The following RTP5 variants were observed in gnomAD, a reference collection of about 807,000 sequenced individuals.
The protein encoded by RTP5 is receptor-transporting protein 5.
Under a neutral mutation model 23.5 loss-of-function variants are expected in RTP5, and 30 were observed. The observed-to-expected ratio is 1.27, with a 90% CI of 0.95 to 1.73. The LOEUF is 1.73. RTP5 is among the 40% of genes most tolerant of loss of function. RTP5 has a pLI of 0.00. For synonymous variants in RTP5, 354 were observed against 342.1 expected (o/e 1.03, Z -0.38); for missense variants, 807 against 784.2 (o/e 1.03, Z -0.35).
In RTP5 at chr2:241,873,765, T is replaced by C. The variant is rs960419143; in HGVS notation, c.*491T>C. ...GGTTTTGTGGGTCTGCCCTGAGCTGTGCCTGTGTGCTCCAGCCTCTTCCTA... is the reference window on the plus strand; with the variant it reads ...GGTTTTGTGGGTCTGCCCTGAGCTGCGCCTGTGTGCTCCAGCCTCTTCCTA... On this transcript the variant is annotated 3_prime_UTR_variant, in exon 2 of 2. Coordinates refer to ENST00000343216, the MANE Select transcript of RTP5 (RefSeq NM_173821.3). 1.2e-5 allele frequency: 2 copies of C among 163,324 alleles called. No homozygotes were observed. The highest frequency in any genetic ancestry group is 2.6e-5 in the Non-Finnish European group (2 of 76,918). 10.1% of individuals were successfully genotyped at this position (163,324 alleles called of 1,614,324 possible). A position where few individuals can be genotyped will look rare whatever the true frequency, so the allele number is the denominator to read the frequency against.
At chr2:241,871,462 T>G (rs543351768) in intron 1 of RTP5, among the ~76,000 whole-genome samples, 11 of 152,212 alleles carry the variant, frequency 7.2e-5, no homozygotes, top group African/African-American at 2.4e-4. Context: ...CGCATGGGCC[T>G]GCTTTTGCCT....
chr2:241,869,873 G>C lies in RTP5; in HGVS notation c.117G>C (p.Leu39=), dbSNP rs771055073. 6.3e-7 allele frequency: 1 copy of C among 1,584,772 alleles called. No individual in the cohort carries two copies. Among genetic ancestry groups the C allele is most frequent in the Non-Finnish European group, 8.6e-7 (1 of 1,167,650 alleles). The change falls in exon 1 of 2, where the codon CTG becomes CTC. Residue 39 remains leucine, a synonymous_variant. Coordinates refer to ENST00000343216, the MANE Select transcript of RTP5 (RefSeq NM_173821.3). ...LPEHSLVPGC[L]DGGGVQYLLV... ...AGCACAGCCTGGTCCCGGGATGCCT[G>C]GACGGCGGTGGTGTCCAGTACCTGC...
In RTP5 at chr2:241,869,906, G is replaced by A; in HGVS notation, c.150G>A (p.Gly50=). The change falls in exon 1 of 2, where the codon GGG becomes GGA. Residue 50 remains glycine (G), a synonymous_variant. Coordinates refer to ENST00000343216, the MANE Select transcript of RTP5 (RefSeq NM_173821.3). ...DGGGVQYLLV[G]LSRLQCGHCP... ...GTGGTGTCCAGTACCTGCTGGTGGG[G>A]CTCTCGAGGTGCGGCCAGAGGTTGG... The A allele has an allele frequency of 2.0e-6, 3 of 1,536,928 alleles. No individual in the cohort carries two copies. Among genetic ancestry groups the A allele is most frequent in the Middle Eastern group, 1.7e-4 (1 of 5,808 alleles).
chr2:241,870,027 C>G, intron 1 of RTP5, 113 bp downstream of exon 1: 15 of 944,332 alleles, frequency 1.6e-5, no homozygotes, highest in East Asian at 3.4e-5. Flanking sequence ...GTCTTGTCCC[C>G]GAGACGGGAG....
chr2:241,873,401 C>G lies in RTP5; in HGVS notation c.*127C>G. The G allele has an allele frequency of 1.2e-6, 1 of 837,060 alleles. No individual in the cohort carries two copies. Among genetic ancestry groups the G allele is most frequent in the Non-Finnish European group, 1.5e-6 (1 of 654,242 alleles). 51.9% of individuals were successfully genotyped at this position (837,060 alleles called of 1,614,324 possible). ...GCCTCCACCTCCGAGACCCCTTTCT[C>G]TGAGACCCCCGCCTCTGAGGCCCCG... On this transcript the variant is annotated 3_prime_UTR_variant, in exon 2 of 2. Transcript: ENST00000343216.
chr2:241,871,623 G>A (rs1474684026), intron 1 of RTP5, 91 bp from the exon 2 acceptor site: 26 of 1,429,226 alleles, frequency 1.8e-5, no homozygotes, highest in South Asian at 2.9e-5. Flanking sequence ...CGCTGGGGTC[G>A]GATGGGCAAG....
In RTP5 at chr2:241,873,178, C is replaced by G. The variant is rs1230079559; in HGVS notation, c.1623C>G (p.Tyr541Ter). The G allele has an allele frequency of 6.2e-7, 1 of 1,611,308 alleles. No individual in the cohort carries two copies. The highest frequency in any genetic ancestry group is 8.5e-7 in the Non-Finnish European group (1 of 1,179,894). ...GCCGTAGGCCGCACGCCGAGCCCTA[C>G]GAGGACTTCTGGATCTGGGTGTCCA... ...RACRRPHAEPYEDFWIWVSMT... is the reference protein window; with the variant it reads ...RACRRPHAEP The change falls in exon 2 of 2, where the codon TAC (tyrosine) becomes TAG (stop). Residue 541 changes from tyrosine (Y) to a stop codon, truncating the protein, a stop_gained. Transcript: ENST00000343216. LOFTEE classifies it high-confidence loss of function.
At position 241,873,705 on chromosome 2, in the gene RTP5, C is replaced by T. The variant is rs1701381818; in HGVS notation, c.*431C>T. The T allele has an allele frequency of 1.0e-5, 2 of 195,084 alleles. No individual in the cohort carries two copies. The highest frequency in any genetic ancestry group is 2.5e-5 in the African/African-American group (1 of 39,346). The allele number at this position is 195,084 out of a possible 1,614,324, so 12.1% of individuals were successfully genotyped here. A position where few individuals can be genotyped will look rare whatever the true frequency, so the allele number is the denominator to read the frequency against. Reference sequence around the variant, plus strand: ...CGCCTCACCTCTGAGACCCCGCCCCCGCCAGCAGCTCAGCCCCTCCTGTCT... The same window carrying T: ...CGCCTCACCTCTGAGACCCCGCCCCTGCCAGCAGCTCAGCCCCTCCTGTCT... On this transcript the variant is annotated 3_prime_UTR_variant, in exon 2 of 2. Coordinates refer to ENST00000343216, the MANE Select transcript of RTP5 (RefSeq NM_173821.3).
chr2:241,871,583 G>A (rs1286505894), intron 1 of RTP5, 131 bp from the exon 2 acceptor site: 6 of 1,254,842 alleles, frequency 4.8e-6, no homozygotes, highest in South Asian at 4.7e-5. Context: ...TGAGGTTTGA[G>A]TGTGGGATGT....
Position 241,872,051 on chromosome 2 carries a change from G to A in RTP5, c.496G>A (p.Ala166Thr), listed in dbSNP as rs370247629. Residue 166 changes from alanine to threonine, a missense_variant, in exon 2 of 2, where the codon GCC becomes ACC. Transcript: ENST00000343216. Reference sequence around the variant, plus strand: ...CCCAGACCCCGCCTGGAGCGCCAACGCCACAAAAGGCAACTTCCCCGCCAC... The same window carrying A: ...CCCAGACCCCGCCTGGAGCGCCAACACCACAAAAGGCAACTTCCCCGCCAC... Reference protein sequence around the residue: ...KAPDPAWSANATKGNFPATAW... With the variant: ...KAPDPAWSANTTKGNFPATAW... 20 of 1,563,962 alleles carry A rather than the reference G, an allele frequency of 1.3e-5. No homozygotes were observed. In the African/African-American group the frequency reaches 1.4e-4, roughly 11 times the overall value.
At position 241,872,740 on chromosome 2, in the gene RTP5, G is replaced by A. The variant is rs868497394; in HGVS notation, c.1185G>A (p.Gln395=). 1.3e-6 allele frequency: 2 copies of A among 1,596,116 alleles called. No homozygotes were observed. Among genetic ancestry groups the A allele is most frequent in the Non-Finnish European group, 1.7e-6 (2 of 1,170,304 alleles). Residue 395 remains glutamine (Q), a synonymous_variant, in exon 2 of 2, where the codon CAG becomes CAA. Transcript: ENST00000343216. The part of the protein sequence containing the change: ...AEGNGKEGGG[Q]GLVPVGHDAL... ...GCAACGGGAAGGAAGGAGGCGGCCA[G>A]GGCCTCGTCCCAGTGGGTCACGACG...
In RTP5 at chr2:241,869,862, C is replaced by T. The variant is rs1559456483; in HGVS notation, c.106C>T (p.Pro36Ser). 2.5e-6 allele frequency: 4 copies of T among 1,588,390 alleles called. No individual in the cohort carries two copies. The highest frequency in any genetic ancestry group is 1.4e-5 in the African/African-American group (1 of 74,002). The change falls in exon 1 of 2, where the codon CCG (proline) becomes TCG (serine). Residue 36 changes from proline (P) to serine (S), a missense_variant. Physicochemically the swap from Pro to Ser is moderately conservative, Grantham distance 74. Coordinates refer to ENST00000343216, the MANE Select transcript of RTP5 (RefSeq NM_173821.3). ...TCTGCTACCTGAGCACAGCCTGGTC[C>T]CGGGATGCCTGGACGGCGGTGGTGT... ...WVLLPEHSLV[P>S]GCLDGGGVQY...
Position 241,872,788 on chromosome 2 carries a change from T to C in RTP5, c.1233T>C (p.Gly411=), listed in dbSNP as rs1701351806. ...ACGCCCTGCCAGAGACCAATGCTGG[T>C]GGCCTCCCCTCCCAGGTCAAGGGCT... ...GHDALPETNA[G]GLPSQVKGSL... is the part of the protein sequence containing the mutation. The change falls in exon 2 of 2, where the codon GGT becomes GGC. Residue 411 remains glycine (G), a synonymous_variant. Transcript: ENST00000343216. The C allele has an allele frequency of 6.2e-7, 1 of 1,606,202 alleles. No homozygotes were observed.
chr2:241,872,515 A>T lies in RTP5; in HGVS notation c.960A>T (p.Lys320Asn). The T allele has an allele frequency of 1.9e-6, 3 of 1,585,532 alleles. No individual in the cohort carries two copies. Among genetic ancestry groups the T allele is most frequent in the Middle Eastern group, 1.7e-4 (1 of 5,956 alleles). Residue 320 changes from lysine (K) to asparagine (N), a missense_variant, in exon 2 of 2, where the codon AAA becomes AAT. Lys to Asn is a moderately conservative substitution (Grantham distance 94, BLOSUM62 0). Coordinates refer to ENST00000343216, the MANE Select transcript of RTP5 (RefSeq NM_173821.3). ...ACAATGGCCTCGTCCCTGTGGGGAA[A>T]CACACGCCAACCGTGTTCTACTGTG... ...SLNNGLVPVG[K>N]HTPTVFYCVG...
rs762665754 is a variant in RTP5 at position 241,872,238 on chromosome 2, C to A, written c.683C>A (p.Ala228Asp). 4 of 1,606,732 alleles carry A rather than the reference C, an allele frequency of 2.5e-6. No individual in the cohort carries two copies. The South Asian group carries it at 4.4e-5, about 18-fold the overall frequency. Residue 228 changes from alanine to aspartate, a missense_variant, in exon 2 of 2, where the codon GCC (alanine) becomes GAC (aspartate). Ala to Asp is a moderately radical substitution (Grantham distance 126). Transcript: ENST00000343216. Reference protein sequence around the residue: ...IAEGPAPPAGASLPVTGSCEA... With the variant: ...IAEGPAPPAGDSLPVTGSCEA... ...GAGGGCCCTGCCCCCCCTGCGGGGG[C>A]CTCTCTCCCTGTGACTGGCAGCTGT...
intron 1 of RTP5, 68 bp downstream of exon 1, chr2:241,869,982 G>A: frequency 8.1e-6 from 11 of 1,365,970 alleles, no homozygotes; most frequent in Non-Finnish European, 1.0e-5. Context: ...GGGACCTTGG[G>A]TGGTCCCAGA....
chr2:241,872,208 T>G lies in RTP5; in HGVS notation c.653T>G (p.Ile218Ser). The G allele has an allele frequency of 1.2e-6, 2 of 1,611,134 alleles. No individual in the cohort carries two copies. The highest frequency in any genetic ancestry group is 8.5e-7 in the Non-Finnish European group (1 of 1,178,714). Residue 218 changes from isoleucine (I) to serine (S), a missense_variant, in exon 2 of 2, where the codon ATC becomes AGC. By Grantham distance (142) the Ile-to-Ser change is moderately radical. Coordinates refer to ENST00000343216, the MANE Select transcript of RTP5 (RefSeq NM_173821.3). ...LVGTSNDQVP[I>S]AEGPAPPAGA... is the part of the protein sequence containing the mutation. Reference sequence around the variant, plus strand: ...GGTACCAGCAATGACCAGGTGCCCATCGCTGAGGGCCCTGCCCCCCCTGCG... The same window carrying G: ...GGTACCAGCAATGACCAGGTGCCCAGCGCTGAGGGCCCTGCCCCCCCTGCG...
Position 241,873,229 on chromosome 2 carries a change from GTGC to G in RTP5, c.1675_1677del (p.Cys559del). Reference sequence around the variant, plus strand: ...TGACCGTGTGCGTCTTCTGGCTGATGTGCATGTGTCGGCTGAACCCCGGGATCT... The same window carrying G: ...TGACCGTGTGCGTCTTCTGGCTGATGATGTGTCGGCTGAACCCCGGGATCT... On this transcript the variant is annotated inframe_deletion, in exon 2 of 2. Transcript: ENST00000343216. 6 of 1,600,990 alleles carry G rather than the reference GTGC, an allele frequency of 3.7e-6. No individual in the cohort carries two copies. The East Asian group carries it at 9.0e-5, about 24-fold the overall frequency.
Position 241,872,209 on chromosome 2 carries a change from C to T in RTP5, c.654C>T (p.Ile218=), listed in dbSNP as rs761330391. ...GTACCAGCAATGACCAGGTGCCCAT[C>T]GCTGAGGGCCCTGCCCCCCCTGCGG... ...LVGTSNDQVP[I]AEGPAPPAGA... is the part of the protein sequence containing the mutation. The change falls in exon 2 of 2, where the codon ATC becomes ATT. Residue 218 remains isoleucine (I), a synonymous_variant. Coordinates refer to ENST00000343216, the MANE Select transcript of RTP5 (RefSeq NM_173821.3). 1.8e-5 allele frequency: 29 copies of T among 1,610,832 alleles called. No homozygotes were observed. The highest frequency in any genetic ancestry group is 5.3e-5 in the African/African-American group (4 of 74,896).
Sources: allele counts gnomAD v4.1 joint callset (sites outside exome capture counted in the v4.1 genomes callset), GRCh38; gene constraint gnomAD v4.1.1; transcripts MANE v1.5; gene names NCBI Gene and HGNC (gene_info 2026-07-23, HGNC 2026-07-21).